Variants in CCDC178 observed in about 807,000 individuals in gnomAD.
The protein encoded by CCDC178 is coiled-coil domain-containing protein 178.
CCDC178 carries 126 observed loss-of-function variants against 117.4 expected under a neutral mutation model. The observed-to-expected ratio is 1.07, with a 90% CI of 0.93 to 1.24. The LOEUF is 1.24. Ranked by LOEUF, CCDC178 falls within the 50% of genes most tolerant of loss-of-function variation. The pLI, the probability that CCDC178 is intolerant of heterozygous loss-of-function variation, is 0.00. For synonymous variants in CCDC178, 283 were observed against 313.4 expected, an observed-to-expected ratio of 0.90 and a Z score of 1.02; for missense variants, 1,030 against 986.9, an observed-to-expected ratio of 1.04 and a Z score of -0.59.
chr18:33,147,676 G>A (rs2058287674), intron 20 of CCDC178, among the ~76,000 whole-genome samples: 1 of 152,144 alleles, frequency 6.6e-6, no homozygotes, highest in East Asian at 1.9e-4. Flanking sequence ...CAGAGAGCAC[G>A]GGGTTTGGGG....
At chr18:33,336,771 T>C (rs938032603) in intron 9 of CCDC178, among the ~76,000 whole-genome samples, 1 of 151,942 alleles carries the variant, frequency 6.6e-6, no homozygotes, top group Non-Finnish European at 1.5e-5. Flanking sequence ...TAAATACAAA[T>C]TAAACATTAA....
intron 9 of CCDC178, among the ~76,000 whole-genome samples, chr18:33,343,806 G>A (rs572213067): frequency 9.2e-5 from 14 of 152,200 alleles, no homozygotes; most frequent in Admixed American, 7.2e-4. Flanking sequence ...TTAACATTAA[G>A]TTTGTTAAGG....
intron 21 of CCDC178, among the ~76,000 whole-genome samples, chr18:33,079,403 T>C (rs1376254387): frequency 6.6e-6 from 1 of 151,976 alleles, no homozygotes; most frequent in Non-Finnish European, 1.5e-5. Context: ...AAAACAATCA[T>C]AACAAAACCA....
chr18:33,099,467 G>A (rs1218774599), intron 20 of CCDC178, among the ~76,000 whole-genome samples: 3 of 151,900 alleles, frequency 2.0e-5, no homozygotes, highest in Non-Finnish European at 4.4e-5. Context: ...CATGTACAGG[G>A]GATATATTTT....
chr18:32,964,643 G>C (rs1161837553), intron 22 of CCDC178, among the ~76,000 whole-genome samples: 1 of 151,874 alleles, frequency 6.6e-6, no homozygotes, highest in African/African-American at 2.4e-5. Context: ...TTCTCACAGT[G>C]ACCCTTGGAT....
rs753473713 is a variant in CCDC178 at position 33,333,329 on chromosome 18, G to GTT, written c.722_723dup (p.Leu242AsnfsTer12). ...GTCTTTTGTTTTTCAAAATGTTGTA[G>GTT]TTGATTAGCTTTATCTTCAAGATGC... On this transcript the variant is annotated frameshift_variant, in exon 10 of 23. Transcript: ENST00000383096. LOFTEE classifies it high-confidence loss of function. 6.2e-6 allele frequency: 10 copies of GTT among 1,612,334 alleles called. No individual in the cohort carries two copies. The highest frequency in any genetic ancestry group is 1.7e-5 in the Admixed American group (1 of 59,948).
intron 20 of CCDC178, among the ~76,000 whole-genome samples, chr18:33,117,078 G>A (rs749713884): frequency 3.9e-5 from 6 of 151,948 alleles, no homozygotes; most frequent in African/African-American, 7.3e-5. Flanking sequence ...GACTACTAAG[G>A]GGCATGGTTA....
chr18:33,052,768 A>G (rs2056766731), intron 21 of CCDC178, among the ~76,000 whole-genome samples: 1 of 152,162 alleles, frequency 6.6e-6, no homozygotes, highest in African/African-American at 2.4e-5. Flanking sequence ...TTATTTTACT[A>G]ATCTTTTAGG....
intron 6 of CCDC178, among the ~76,000 whole-genome samples, chr18:33,364,125 A>T (rs954005693): frequency 6.7e-4 from 102 of 152,170 alleles, no homozygotes; most frequent in African/African-American, 2.4e-3. Context: ...GTGCTACCAG[A>T]TGTGTGTATC....
intron 14 of CCDC178, among the ~76,000 whole-genome samples, chr18:33,256,530 C>G (rs553062141): frequency 6.1e-4 from 93 of 152,156 alleles, no homozygotes; most frequent in African/African-American, 2.1e-3. Flanking sequence ...CTTGAGTAAA[C>G]TACGGTTTAA....
chr18:33,407,849 A>G (rs1379686996), intron 3 of CCDC178, among the ~76,000 whole-genome samples: 1 of 151,922 alleles, frequency 6.6e-6, no homozygotes, highest in East Asian at 1.9e-4. Flanking sequence ...CCAGAAAAAA[A>G]ATAATAAAAA....
chr18:33,137,480 T>A (rs887016425), intron 20 of CCDC178, among the ~76,000 whole-genome samples: 2 of 152,226 alleles, frequency 1.3e-5, no homozygotes, highest in Non-Finnish European at 2.9e-5. Context: ...AGTTCTACTC[T>A]TTGAAGAGAA....
At chr18:33,360,217 C>G (rs1052915363) in intron 6 of CCDC178, among the ~76,000 whole-genome samples, 7 of 150,584 alleles carry the variant, frequency 4.6e-5, no homozygotes, top group Non-Finnish European at 8.9e-5. Context: ...AGCAGTTCCA[C>G]TCCTAGGTAT....
At chr18:32,998,327 C>T (rs929734180) in intron 21 of CCDC178, among the ~76,000 whole-genome samples, 3 of 152,160 alleles carry the variant, frequency 2.0e-5, no homozygotes, top group Non-Finnish European at 2.9e-5. Flanking sequence ...TCAGAACCCC[C>T]GAGTTCCAGC....
chr18:33,411,162 C>G (rs1053348168), intron 3 of CCDC178, among the ~76,000 whole-genome samples: 3 of 152,146 alleles, frequency 2.0e-5, no homozygotes, highest in Admixed American at 1.3e-4. Flanking sequence ...TATGCACCTG[C>G]ATTTTTATGG....
At chr18:33,176,993 T>C (rs907663687) in intron 20 of CCDC178, among the ~76,000 whole-genome samples, 17 of 152,222 alleles carry the variant, frequency 1.1e-4, no homozygotes, top group Non-Finnish European at 2.1e-4. Flanking sequence ...CATTTTCTTA[T>C]TTAAAGATTG....
intron 21 of CCDC178, among the ~76,000 whole-genome samples, chr18:33,046,091 T>C (rs368523400): frequency 7.8e-4 from 118 of 152,204 alleles, no homozygotes; most frequent in African/African-American, 2.8e-3. Flanking sequence ...TTATAATATT[T>C]AGTAAGATAG....
rs550272393 is a variant in CCDC178 at position 33,146,502 on chromosome 18, T to C, written c.2239-53592A>G. 2.4e-4 allele frequency among the ~76,000 whole-genome samples: 36 copies of C among 152,218 alleles called. No individual in the cohort carries two copies. In the South Asian group the frequency reaches 6.7e-3, roughly 28 times the overall value. ...AGACCTTGTTTCTGCAAAAAACTTT[T>C]ATAAAAATTTAGCAGGATATGGTGG... On this transcript the variant is annotated intron_variant, in intron 20 of 22. Transcript: ENST00000383096.
At chr18:33,402,791 C>T (rs993862125) in intron 3 of CCDC178, among the ~76,000 whole-genome samples, 8 of 152,150 alleles carry the variant, frequency 5.3e-5, no homozygotes, top group Non-Finnish European at 8.8e-5. Context: ...ATTCAAACTC[C>T]CAAGCTCAAT....
Sources: allele counts gnomAD v4.1 joint callset (sites outside exome capture counted in the v4.1 genomes callset), GRCh38; gene constraint gnomAD v4.1.1; transcripts MANE v1.5; gene names NCBI Gene and HGNC (gene_info 2026-07-23, HGNC 2026-07-21).